KRT79: variants seen among roughly 807,000 people sequenced by gnomAD.
The protein encoded by KRT79 is keratin 79.
KRT79 carries 51 observed loss-of-function variants against 49.0 expected under a neutral mutation model. The ratio of observed to expected loss-of-function variants is 1.04; its 90% confidence interval spans 0.83 to 1.31. The LOEUF is 1.31. Ranked by LOEUF, KRT79 falls within the 40% of genes most tolerant of loss-of-function variation. The probability of loss-of-function intolerance (pLI) is 0.00; values close to 1 mark genes in which losing one functional copy is unlikely to be tolerated. For missense variants in KRT79, 728 were observed against 688.0 expected (o/e 1.06, Z -0.65); for synonymous variants, 312 against 286.6 (o/e 1.09, Z -0.90).
intron 1 of KRT79, among the ~76,000 whole-genome samples, chr12:52,833,497 G>A (rs543111191): frequency 7.2e-5 from 11 of 152,300 alleles, no homozygotes; most frequent in Middle Eastern, 6.8e-3. Flanking sequence ...GCAATCAATC[G>A]TATTAATCAT....
chr12:52,822,978 C>T (rs755525088), intron 7 of KRT79, 38 bp downstream of exon 7: 6 of 1,598,484 alleles, frequency 3.8e-6, no homozygotes, highest in East Asian at 2.2e-5. Flanking sequence ...AGGGCAGGCC[C>T]GACCCAGCTT....
In KRT79 at chr12:52,821,869, CA is replaced by C. The variant is rs892603164; in HGVS notation, c.*2del. ...TTGCAGGGGCCCTTGCAGGGCTCAG[CA>C]GCTAATACCTCTGGCTGGACGTCTT... On this transcript the variant is annotated 3_prime_UTR_variant, in exon 9 of 9. Transcript: ENST00000330553. 27 of 1,613,368 alleles carry C rather than the reference CA, an allele frequency of 1.7e-5. No individual in the cohort carries two copies. The African/African-American group carries it at 3.3e-4, about 20-fold the overall frequency.
At chr12:52,832,460 C>T (rs373762580) in intron 1 of KRT79, among the ~76,000 whole-genome samples, 360 of 151,986 alleles carry the variant, frequency 2.4e-3, no homozygotes, top group Non-Finnish European at 4.3e-3. Context: ...TTTAACAGGA[C>T]CCCCGAGAGT....
In KRT79 at chr12:52,831,314, C is replaced by T. The variant is rs1330606062; in HGVS notation, c.698+92G>A. The stretch of plus-strand genomic sequence containing the variant: ...TCTGTCTGTGCATCCCCCAGGTGGG[C>T]CTGGGACCCTGGGAATGGGGTGGCC... On this transcript the variant is annotated intron_variant, in intron 2 of 8. Transcript: ENST00000330553. The T allele has an allele frequency of 1.4e-5, 17 of 1,236,272 alleles. No individual in the cohort carries two copies. The Admixed American group carries it at 2.1e-4, about 15-fold the overall frequency. 76.6% of individuals were successfully genotyped at this position (1,236,272 alleles called of 1,614,324 possible). A position where few individuals can be genotyped will look rare whatever the true frequency, so the allele number is the denominator to read the frequency against.
Position 52,824,438 on chromosome 12 carries a change from G to T in KRT79, c.856-76C>A, listed in dbSNP as rs1424220833. 12 of 1,471,408 alleles carry T rather than the reference G, an allele frequency of 8.2e-6. No homozygotes were observed. The East Asian group carries it at 1.9e-4, about 23-fold the overall frequency. 91.1% of individuals were successfully genotyped at this position (1,471,408 alleles called of 1,614,324 possible). A position where few individuals can be genotyped will look rare whatever the true frequency, so the allele number is the denominator to read the frequency against. ...AAGCATCAGAGGGTGAAGGACATGG[G>T]CCCCCAGGTAGCATCAGGAGGCCTG... On this transcript the variant is annotated intron_variant, in intron 4 of 8. Coordinates refer to ENST00000330553, the MANE Select transcript of KRT79 (RefSeq NM_175834.3).
chr12:52,824,134 C>T (rs926019137), intron 5 of KRT79, 64 bp downstream of exon 5: 8 of 1,612,726 alleles, frequency 5.0e-6, no homozygotes, highest in Non-Finnish European at 5.9e-6. Flanking sequence ...GAGGCCCAAG[C>T]CTCTCACGAT....
intron 4 of KRT79, among the ~76,000 whole-genome samples, chr12:52,828,971 G>A (rs1302505637): frequency 1.3e-5 from 2 of 152,222 alleles, no homozygotes; most frequent in Non-Finnish European, 2.9e-5. Flanking sequence ...CAGAAGTCAT[G>A]AGAAGGAGAT....
At chr12:52,831,716 C>T in intron 1 of KRT79, 90 bp from the exon 2 acceptor site, 1 of 1,044,664 alleles carries the variant, frequency 9.6e-7, no homozygotes, top group Non-Finnish European at 1.4e-6. Flanking sequence ...CCCTCCAAGG[C>T]CAGGGCAACA....
At chr12:52,822,471 A>T in intron 7 of KRT79, 92 bp from the exon 8 acceptor site, 3 of 829,156 alleles carry the variant, frequency 3.6e-6, no homozygotes, top group Non-Finnish European at 5.7e-6. Flanking sequence ...CATTGGATCC[A>T]CTCAGTGAAT....
Position 52,834,264 on chromosome 12 carries a change from T to A in KRT79, c.-4A>T, listed in dbSNP as rs1324616806. The A allele has an allele frequency of 3.1e-6, 5 of 1,609,852 alleles. No individual in the cohort carries two copies. The South Asian group carries it at 4.4e-5, about 14-fold the overall frequency. On this transcript the variant is annotated 5_prime_UTR_variant, in exon 1 of 9. Transcript: ENST00000330553. ...GCCGAGAGACGGAGGACCTCATAGCTGCAGAGGGGCCGGAGGGCAGGATGA... is the reference window on the plus strand; with the variant it reads ...GCCGAGAGACGGAGGACCTCATAGCAGCAGAGGGGCCGGAGGGCAGGATGA...
At chr12:52,833,052 G>A (rs950939197) in intron 1 of KRT79, among the ~76,000 whole-genome samples, 5 of 152,164 alleles carry the variant, frequency 3.3e-5, no homozygotes, top group South Asian at 2.1e-4. Flanking sequence ...CAATGCCAGC[G>A]AAACAGACCA....
In KRT79 at chr12:52,834,302, G is replaced by A. The variant is rs1382721142; in HGVS notation, c.-42C>T. The A allele has an allele frequency of 6.6e-7, 1 of 1,513,260 alleles. No homozygotes were observed. Among genetic ancestry groups the A allele is most frequent in the South Asian group, 1.1e-5 (1 of 88,988 alleles). The allele number at this position is 1,513,260 out of a possible 1,614,324, so 93.7% of individuals were successfully genotyped here. A position where few individuals can be genotyped will look rare whatever the true frequency, so the allele number is the denominator to read the frequency against. On this transcript the variant is annotated 5_prime_UTR_variant, in exon 1 of 9. Transcript: ENST00000330553. ...GAGGGCAGGATGAGAGGGCAGGAAG[G>A]GAGTGCCGTGAGCTGCTGGGCCACT...
At chr12:52,827,738 T>C (rs1940196560) in intron 4 of KRT79, among the ~76,000 whole-genome samples, 1 of 152,130 alleles carries the variant, frequency 6.6e-6, no homozygotes, top group Non-Finnish European at 1.5e-5. Flanking sequence ...CTACAGAAGA[T>C]CCAGGAAAGG....
Position 52,834,162 on chromosome 12 carries a change from G to A in KRT79, c.99C>T (p.Phe33=). 1 of 1,613,716 alleles carries A rather than the reference G, an allele frequency of 6.2e-7. No individual in the cohort carries two copies. Among genetic ancestry groups the A allele is most frequent in the Admixed American group, 1.7e-5 (1 of 60,022 alleles). Reference sequence around the variant, plus strand: ...TGCTCCGAGACACCGTCACTGAGCTGAAGCTGGTGCGGGCCTGGGACCCAC... The same window carrying A: ...TGCTCCGAGACACCGTCACTGAGCTAAAGCTGGTGCGGGCCTGGGACCCAC... ...GGSGSQARTS[F]SSVTVSRSSG... Residue 33 remains phenylalanine, a synonymous_variant, in exon 1 of 9, where the codon TTC becomes TTT. Transcript: ENST00000330553.
intron 4 of KRT79, among the ~76,000 whole-genome samples, chr12:52,827,382 G>A (rs956763635): frequency 1.3e-5 from 2 of 152,242 alleles, no homozygotes; most frequent in African/African-American, 2.4e-5. Context: ...GCAATGGAAA[G>A]GAATGCTGAG....
At chr12:52,827,264 C>T (rs1405539580) in intron 4 of KRT79, among the ~76,000 whole-genome samples, 2 of 151,262 alleles carry the variant, frequency 1.3e-5, no homozygotes, top group Admixed American at 6.6e-5. Flanking sequence ...TGTGCCTGTC[C>T]CCCACAGCTC....
chr12:52,831,584 A>T lies in KRT79; in HGVS notation c.520T>A (p.Trp174Arg). 6.2e-7 allele frequency: 1 copy of T among 1,614,224 alleles called. No individual in the cohort carries two copies. The highest frequency in any genetic ancestry group is 8.5e-7 in the Non-Finnish European group (1 of 1,180,040). Residue 174 changes from tryptophan to arginine, a missense_variant, in exon 2 of 9, where the codon TGG becomes AGG. Coordinates refer to ENST00000330553, the MANE Select transcript of KRT79 (RefSeq NM_175834.3). ...TGGCCCTGCTCCTGCAGCAGTGCCC[A>T]CTTGGTCTCCAGCACCTTATTCTGT... ...EQQNKVLETK[W>R]ALLQEQGQNL...
At position 52,833,895 on chromosome 12, in the gene KRT79, G is replaced by C; in HGVS notation, c.366C>G (p.Ser122Arg). Residue 122 changes from serine (S) to arginine (R), a missense_variant, in exon 1 of 9, where the codon AGC becomes AGG. Ser to Arg is a moderately radical substitution (Grantham distance 110, BLOSUM62 -1). Coordinates refer to ENST00000330553, the MANE Select transcript of KRT79 (RefSeq NM_175834.3). The part of the protein sequence containing the change: ...GGIQEVTVNQ[S>R]LLTPLHVEID... ...TCTCCACATGGAGGGGGGTCAGCAGGCTCTGGTTGACAGTGACCTCCTGGA... is the reference window on the plus strand; with the variant it reads ...TCTCCACATGGAGGGGGGTCAGCAGCCTCTGGTTGACAGTGACCTCCTGGA... The C allele has an allele frequency of 6.2e-7, 1 of 1,613,910 alleles. No homozygotes were observed. Among genetic ancestry groups the C allele is most frequent in the Non-Finnish European group, 8.5e-7 (1 of 1,179,948 alleles).
In KRT79 at chr12:52,830,371, GC is replaced by G. The variant is rs1940235465; in HGVS notation, c.699-80del. 9.2e-6 allele frequency: 11 copies of G among 1,197,384 alleles called. 1 individual carries two copies. In the Admixed American group the frequency reaches 1.9e-4, roughly 20 times the overall value. 74.2% of individuals were successfully genotyped at this position (1,197,384 alleles called of 1,614,324 possible). A position where few individuals can be genotyped will look rare whatever the true frequency, so the allele number is the denominator to read the frequency against. ...ATGGGACCCACTCAGCCTTACAGAA[GC>G]CCTGATGGGTCCCTCACTGATCAAG... On this transcript the variant is annotated intron_variant, in intron 2 of 8. Transcript: ENST00000330553.
Sources: allele counts gnomAD v4.1 joint callset (sites outside exome capture counted in the v4.1 genomes callset), GRCh38; gene constraint gnomAD v4.1.1; transcripts MANE v1.5; gene names NCBI Gene and HGNC (gene_info 2026-07-23, HGNC 2026-07-21).